AGL: variants seen among roughly 807,000 people sequenced by gnomAD.
AGL encodes amylo-alpha-1,6-glucosidase and 4-alpha-glucanotransferase, also known as glycogen debranching enzyme.
In AGL, 128 loss-of-function variants were observed where a neutral mutation model predicts 199.3. The observed-to-expected ratio is 0.64, with a 90% CI of 0.56 to 0.74. The LOEUF (loss-of-function observed/expected upper bound fraction) is 0.74. Ranked by LOEUF, AGL falls within the 30% of genes least tolerant of loss-of-function variation. The pLI, the probability that AGL is intolerant of heterozygous loss-of-function variation, is 0.00. For missense variants in AGL, 1,809 were observed against 1,820.8 expected, an observed-to-expected ratio of 0.99 and a Z score of 0.12; for synonymous variants, 584 against 594.7, an observed-to-expected ratio of 0.98 and a Z score of 0.26.
chr1:99,849,818 T>C (rs762394251), upstream of AGL, among the ~76,000 whole-genome samples: 4 of 152,210 alleles, frequency 2.6e-5, no homozygotes, highest in East Asian at 1.9e-4. Flanking sequence ...CCCCTCACCA[T>C]TCAGCCCTTC....
chr1:99,908,892 A>G (rs1426333894), intron 27 of AGL, among the ~76,000 whole-genome samples: 2 of 152,152 alleles, frequency 1.3e-5, no homozygotes, highest in Admixed American at 6.5e-5. Flanking sequence ...GAGGCCACTC[A>G]GGAAACCTGA....
At chr1:99,873,144 T>G (rs960211602) in intron 7 of AGL, among the ~76,000 whole-genome samples, 4 of 152,158 alleles carry the variant, frequency 2.6e-5, no homozygotes, top group Non-Finnish European at 5.9e-5. Flanking sequence ...AATTTGTATT[T>G]TTACATTTGA....
chr1:99,877,760 A>G lies in AGL; in HGVS notation c.1543A>G (p.Ile515Val), dbSNP rs753336677. Residue 515 changes from isoleucine to valine, a missense_variant, in exon 12 of 34, where the codon ATA (isoleucine) becomes GTA (valine). Ile to Val is a conservative substitution (Grantham distance 29). Transcript: ENST00000361915. ...LWAHMKKYTE[I>V]TATYFQGVRL... ...GGCACACATGAAAAAATACACTGAA[A>G]TAACTGCAACTTATTTCCAGGGAGT... 3.7e-6 allele frequency: 6 copies of G among 1,614,122 alleles called. No homozygotes were observed. The East Asian group carries it at 1.3e-4, about 36-fold the overall frequency.
At chr1:99,915,277 C>T (rs1655027667) in intron 30 of AGL, 112 bp from the exon 31 acceptor site, 5 of 870,842 alleles carry the variant, frequency 5.7e-6, no homozygotes, top group African/African-American at 1.7e-5. Flanking sequence ...CAAATTCTGA[C>T]CCTCATGGTA....
chr1:99,859,903 A>G (rs1207195725), intron 2 of AGL, among the ~76,000 whole-genome samples: 2 of 152,218 alleles, frequency 1.3e-5, no homozygotes, highest in Non-Finnish European at 2.9e-5. Flanking sequence ...TAGATTTACC[A>G]TAATTTATTT....
intron 33 of AGL, among the ~76,000 whole-genome samples, chr1:99,921,248 G>C (rs769017077): frequency 6.6e-6 from 1 of 152,110 alleles, no homozygotes; most frequent in African/African-American, 2.4e-5. Context: ...GCCTGAGAGA[G>C]TATTTATCTC....
chr1:99,877,813 T>C lies in AGL; in HGVS notation c.1596T>C (p.Pro532=). 6.2e-7 allele frequency: 1 copy of C among 1,614,032 alleles called. No homozygotes were observed. Among genetic ancestry groups the C allele is most frequent in the Non-Finnish European group, 8.5e-7 (1 of 1,179,958 alleles). ...GTCTTGATAACTGCCACTCAACACC[T>C]CTTCACGTAGCTGAGGTACAGAAAA... ...GVRLDNCHST[P]LHVAEYMLDA... Residue 532 remains proline, a synonymous_variant, in exon 12 of 34, where the codon CCT becomes CCC. Transcript: ENST00000361915.
At chr1:99,897,174 G>A (rs1324376994) in intron 25 of AGL, among the ~76,000 whole-genome samples, 1 of 152,158 alleles carries the variant, frequency 6.6e-6, no homozygotes, top group Non-Finnish European at 1.5e-5. Context: ...GAGGTCGAAA[G>A]GAAAGCACTA....
At position 99,892,653 on chromosome 1, in the gene AGL, C is replaced by T. The variant is rs190950743; in HGVS notation, c.3259+46C>T. The T allele has an allele frequency of 7.7e-6, 12 of 1,566,920 alleles. No homozygotes were observed. In the East Asian group the frequency reaches 9.0e-5, roughly 12 times the overall value. ...TTAAAATATGTAAATCGATAGTATT[C>T]GCGGAAGAAAAGTTATAGGAAAATG... On this transcript the variant is annotated intron_variant, in intron 24 of 33. Coordinates refer to ENST00000361915, the MANE Select transcript of AGL (RefSeq NM_000642.3).
intron 33 of AGL, among the ~76,000 whole-genome samples, chr1:99,918,379 A>T (rs1188600802): frequency 1.3e-5 from 2 of 152,174 alleles, no homozygotes; most frequent in East Asian, 3.9e-4. Context: ...ATATGATTAC[A>T]GTGACTCTTT....
At chr1:99,894,247 G>T (rs1249883878) in intron 24 of AGL, among the ~76,000 whole-genome samples, 1 of 151,954 alleles carries the variant, frequency 6.6e-6, no homozygotes, top group Non-Finnish European at 1.5e-5. Context: ...TCACTTAGAA[G>T]ATATGGAATC....
intron 28 of AGL, 28 bp from the exon 29 acceptor site, chr1:99,912,374 TAAA>T (rs753575243): frequency 1.3e-6 from 2 of 1,577,222 alleles, no homozygotes. Flanking sequence ...GACGCCAACT[TAAA>T]GAATAAAAAT....
At position 99,861,606 on chromosome 1, in the gene AGL, C is replaced by G. The variant is rs146234738; in HGVS notation, c.186C>G (p.Phe62Leu). 4 of 1,613,872 alleles carry G rather than the reference C, an allele frequency of 2.5e-6. 1 individual carries two copies. The South Asian group carries it at 4.4e-5, about 18-fold the overall frequency. Residue 62 changes from phenylalanine (F) to leucine (L), a missense_variant, in exon 3 of 34, where the codon TTC (phenylalanine) becomes TTG (leucine). Coordinates refer to ENST00000361915, the MANE Select transcript of AGL (RefSeq NM_000642.3). ...FPGETFNREK[F>L]RSLDWENPTE... ...GAGAAACATTTAATAGAGAAAAATT[C>G]CGTTCTCTGGATTGGGAAAATCCAA...
rs778806512 is a variant in AGL, at chr1:99,879,961, A to G, written c.1650A>G (p.Leu550=). The change falls in exon 13 of 34, where the codon TTA becomes TTG. Residue 550 remains leucine, a synonymous_variant. Coordinates refer to ENST00000361915, the MANE Select transcript of AGL (RefSeq NM_000642.3). ...CTGCTAGGAATTTGCAACCCAATTT[A>G]TATGTAGTAGCTGAACTGTTCACAG... The part of the protein sequence containing the change: ...LDAARNLQPN[L]YVVAELFTGS... The G allele has an allele frequency of 1.9e-5, 30 of 1,613,548 alleles. No homozygotes were observed. The highest frequency in any genetic ancestry group is 2.4e-5 in the Non-Finnish European group (28 of 1,179,794).
intron 4 of AGL, 84 bp from the exon 5 acceptor site, chr1:99,864,302 A>C: frequency 1.1e-5 from 13 of 1,230,196 alleles, no homozygotes; most frequent in African/African-American, 1.5e-5. Context: ...ATTACTTAAG[A>C]AAGTTTAAAT....
In AGL at chr1:99,912,498, A is replaced by C. The variant is rs1281966314; in HGVS notation, c.3930A>C (p.Glu1310Asp). 2 of 1,612,718 alleles carry C rather than the reference A, an allele frequency of 1.2e-6. No homozygotes were observed. The highest frequency in any genetic ancestry group is 2.7e-5 in the African/African-American group (2 of 74,914). Residue 1310 changes from glutamate to aspartate, a missense_variant, in exon 29 of 34, where the codon GAA becomes GAC. Glu to Asp is a conservative substitution (Grantham distance 45). Transcript: ENST00000361915. Reference protein sequence around the residue: ...LSKKNIFPYHEVTVKRHGKAI... With the variant: ...LSKKNIFPYHDVTVKRHGKAI... Reference sequence around the variant, plus strand: ...AAAAAAATATTTTCCCTTATCATGAAGTCACAGTAAAAAGACATGGTAAGC... The same window carrying C: ...AAAAAAATATTTTCCCTTATCATGACGTCACAGTAAAAAGACATGGTAAGC...
intron 25 of AGL, among the ~76,000 whole-genome samples, chr1:99,899,601 C>G (rs1166944496): frequency 8.2e-6 from 1 of 121,586 alleles, no homozygotes; most frequent in Non-Finnish European, 1.7e-5. Context: ...TCCTTCCTTT[C>G]TTTCTTTCCT....
intron 30 of AGL, 106 bp downstream of exon 30, chr1:99,913,844 A>G (rs574621621): frequency 3.7e-6 from 4 of 1,080,768 alleles, no homozygotes; most frequent in Admixed American, 1.7e-5. Context: ...AAAAAGTAGT[A>G]TATTGCTTAC....
chr1:99,861,515 A>G lies in AGL; in HGVS notation c.95A>G (p.Gln32Arg). ...LFRLEQGYEL[Q>R]FRLGPTLQGK... ...GCTTTTTATTTAGGGTATGAGCTACAGTTCCGATTAGGCCCAACTTTACAG... is the reference window on the plus strand; with the variant it reads ...GCTTTTTATTTAGGGTATGAGCTACGGTTCCGATTAGGCCCAACTTTACAG... Residue 32 changes from glutamine to arginine, a missense_variant, in exon 3 of 34, where the codon CAG becomes CGG. Coordinates refer to ENST00000361915, the MANE Select transcript of AGL (RefSeq NM_000642.3). The G allele has an allele frequency of 6.2e-7, 1 of 1,613,988 alleles. No homozygotes were observed. The highest frequency in any genetic ancestry group is 1.1e-5 in the South Asian group (1 of 91,076).
Sources: gnomAD v4.1 joint callset for allele counts (sites outside exome capture counted in the v4.1 genomes callset) on GRCh38, gnomAD v4.1.1 for gene constraint, MANE v1.5 for transcripts, NCBI Gene and HGNC (gene_info 2026-07-23, HGNC 2026-07-21) for gene names.